ZBTB20: variants seen among roughly 807,000 people sequenced by gnomAD.
The protein encoded by ZBTB20 is zinc finger and BTB domain-containing protein 20.
Under a neutral mutation model 56.9 loss-of-function variants are expected in ZBTB20, and 9 were observed. The ratio of observed to expected loss-of-function variants is 0.16; its 90% CI spans 0.10 to 0.28. The LOEUF is 0.28. Among genes scored for constraint, ZBTB20 ranks in the 10% least tolerant of loss-of-function variants. The pLI, the probability that ZBTB20 is intolerant of heterozygous loss-of-function variation, is 1.00. For synonymous variants in ZBTB20, 417 were observed against 420.7 expected, an observed-to-expected ratio of 0.99 and a Z score of 0.11; for missense variants, 655 against 1,003.0, an observed-to-expected ratio of 0.65 and a Z score of 4.69.
At chr3:114,745,858 A>C (rs2067001944) in intron 5 of ZBTB20, among the ~76,000 whole-genome samples, 2 of 152,126 alleles carry the variant, frequency 1.3e-5, no homozygotes, top group African/African-American at 4.8e-5. Context: ...TATCACAAAA[A>C]TTCACCTGTA....
intron 7 of ZBTB20, among the ~76,000 whole-genome samples, chr3:114,487,269 C>T (rs2042246455): frequency 6.6e-6 from 1 of 152,142 alleles, no homozygotes; most frequent in Non-Finnish European, 1.5e-5. Context: ...TCCAAGGGCA[C>T]TGCTGGCAGC....
intron 7 of ZBTB20, among the ~76,000 whole-genome samples, chr3:114,496,521 C>CCAGAAAGCAAT (rs2043297199): frequency 6.6e-6 from 1 of 152,164 alleles, no homozygotes; most frequent in South Asian, 2.1e-4. Flanking sequence ...AAACCTTTCT[C>CCAGAAAGCAAT]CAGAAAGCAA....
At chr3:114,895,882 C>T (rs1253663904) in intron 4 of ZBTB20, among the ~76,000 whole-genome samples, 1 of 152,086 alleles carries the variant, frequency 6.6e-6, no homozygotes, top group Non-Finnish European at 1.5e-5. Context: ...CTGCCAACCT[C>T]GATGAGGTCG....
chr3:114,725,003 G>A (rs957234349), intron 5 of ZBTB20, among the ~76,000 whole-genome samples: 3 of 152,188 alleles, frequency 2.0e-5, no homozygotes, highest in Admixed American at 1.3e-4. Flanking sequence ...GATTCAGTTT[G>A]TAGGAGTGGA....
chr3:114,612,561 C>A (rs1177387225), intron 6 of ZBTB20, among the ~76,000 whole-genome samples: 3 of 152,102 alleles, frequency 2.0e-5, no homozygotes, highest in African/African-American at 7.2e-5. Context: ...AAATATATAT[C>A]CACATGTAAT....
intron 4 of ZBTB20, among the ~76,000 whole-genome samples, chr3:114,837,427 G>C (rs972522495): frequency 3.3e-5 from 5 of 152,136 alleles, no homozygotes; most frequent in African/African-American, 9.7e-5. Flanking sequence ...TGTGGGTCAG[G>C]AATCTGGGCT....
intron 5 of ZBTB20, among the ~76,000 whole-genome samples, chr3:114,796,818 G>A (rs1036242522): frequency 6.6e-6 from 1 of 151,946 alleles, no homozygotes; most frequent in African/African-American, 2.4e-5. Context: ...ATTTCTAGTT[G>A]AAGATTTAAA....
intron 3 of ZBTB20, among the ~76,000 whole-genome samples, chr3:114,934,293 C>T (rs1682720860): frequency 6.6e-6 from 1 of 152,200 alleles, no homozygotes; most frequent in Non-Finnish European, 1.5e-5. Flanking sequence ...CCTGCGACCT[C>T]TTCAGGAAAG....
At chr3:114,730,395 A>G (rs2065647523) in intron 5 of ZBTB20, among the ~76,000 whole-genome samples, 1 of 152,144 alleles carries the variant, frequency 6.6e-6, no homozygotes, top group African/African-American at 2.4e-5. Context: ...TGGTCTTAGG[A>G]AACTAGGATT....
At position 114,330,513 on chromosome 3, in the gene ZBTB20, T is replaced by G. The variant is rs2079211162; in HGVS notation, c.*8492A>C. The G allele has an allele frequency of 6.6e-6, 1 of 152,226 alleles. No homozygotes were observed. Among genetic ancestry groups the G allele is most frequent in the Middle Eastern group, 3.2e-3 (1 of 316 alleles). 9.4% of individuals were successfully genotyped at this position (152,226 alleles called of 1,614,324 possible). A position where few individuals can be genotyped will look rare whatever the true frequency, so the allele number is the denominator to read the frequency against. On this transcript the variant is annotated 3_prime_UTR_variant, in exon 12 of 12. Transcript: ENST00000675478. The stretch of plus-strand genomic sequence containing the variant: ...TCATATTCTTTCACAAAGTCACTAG[T>G]ACTGTTAATTAAAGGAAAAAATAAA...
chr3:114,904,173 C>T (rs922648221), intron 3 of ZBTB20, among the ~76,000 whole-genome samples: 4 of 151,956 alleles, frequency 2.6e-5, no homozygotes, highest in Admixed American at 1.3e-4. Context: ...GTTGGCATAG[C>T]TGTGTTCTCC....
At chr3:114,496,439 C>T (rs1357608007) in intron 7 of ZBTB20, among the ~76,000 whole-genome samples, 2 of 152,196 alleles carry the variant, frequency 1.3e-5, no homozygotes, top group African/African-American at 2.4e-5. Flanking sequence ...CACCAGCCTA[C>T]GTTCTGCACT....
At chr3:115,125,404 A>G (rs2084302833) in intron 1 of ZBTB20, among the ~76,000 whole-genome samples, 1 of 152,202 alleles carries the variant, frequency 6.6e-6, no homozygotes, top group Non-Finnish European at 1.5e-5. Flanking sequence ...TTCTGCATTA[A>G]AAAGAAGAAA....
At chr3:115,010,636 A>G (rs1009747665) in intron 2 of ZBTB20, among the ~76,000 whole-genome samples, 4 of 151,958 alleles carry the variant, frequency 2.6e-5, no homozygotes, top group Non-Finnish European at 4.4e-5. Flanking sequence ...CACAACATTC[A>G]GGTCTTTTCA....
At chr3:114,939,860 C>T (rs939479322) in intron 3 of ZBTB20, among the ~76,000 whole-genome samples, 3 of 146,102 alleles carry the variant, frequency 2.1e-5, no homozygotes, top group East Asian at 3.9e-4. Context: ...ACACCAAGAC[C>T]CAGTCTCTAA....
At chr3:114,460,982 T>G (rs772046827) in intron 7 of ZBTB20, among the ~76,000 whole-genome samples, 64 of 152,214 alleles carry the variant, frequency 4.2e-4, no homozygotes, top group Non-Finnish European at 8.2e-4. Flanking sequence ...GCAATCAATC[T>G]AATGATTATT....
intron 5 of ZBTB20, among the ~76,000 whole-genome samples, chr3:114,785,993 T>C (rs945412498): frequency 1.3e-5 from 2 of 152,154 alleles, no homozygotes; most frequent in African/African-American, 4.8e-5. Flanking sequence ...AAATCTACTT[T>C]TTTTTTCTTA....
chr3:114,521,785 A>G (rs2046668424), intron 6 of ZBTB20, among the ~76,000 whole-genome samples: 1 of 152,184 alleles, frequency 6.6e-6, no homozygotes. Flanking sequence ...GATTCTGGAT[A>G]AGCCTGCATA....
chr3:114,406,752 T>G (rs1576621165), intron 7 of ZBTB20, among the ~76,000 whole-genome samples: 1 of 152,194 alleles, frequency 6.6e-6, no homozygotes, highest in South Asian at 2.1e-4. Context: ...TACAAAACAA[T>G]CCCTATATTT....
Sources: allele counts gnomAD v4.1 joint callset (sites outside exome capture counted in the v4.1 genomes callset), GRCh38; gene constraint gnomAD v4.1.1; transcripts MANE v1.5; gene names NCBI Gene and HGNC (gene_info 2026-07-23, HGNC 2026-07-21).